The following GADL1 variants were observed in gnomAD, a reference collection of about 807,000 sequenced individuals.
GADL1 encodes the protein GAD like acidic amino acid decarboxylase 1, also known as acidic amino acid decarboxylase GADL1.
Under a neutral mutation model 69.5 loss-of-function variants are expected in GADL1, and 71 were observed. That is an observed-to-expected ratio of 1.02 (90% CI 0.84 to 1.25). GADL1 has a LOEUF of 1.25. GADL1 is among the 50% of genes most tolerant of loss of function. The probability of loss-of-function intolerance (pLI) is 0.00; values close to 1 mark genes in which losing one functional copy is unlikely to be tolerated. For synonymous variants in GADL1, 254 were observed against 214.4 expected (o/e 1.18, Z -1.62); for missense variants, 737 against 631.8 (o/e 1.17, Z -1.79).
intron 14 of GADL1, among the ~76,000 whole-genome samples, chr3:30,738,605 A>G (rs1367943680): frequency 1.3e-5 from 2 of 152,194 alleles, no homozygotes; most frequent in African/African-American, 4.8e-5. Context: ...AACATATTCA[A>G]TGAGTATCAC....
At chr3:30,882,317 G>A (rs938200780) in intron 1 of GADL1, among the ~76,000 whole-genome samples, 1 of 151,710 alleles carries the variant, frequency 6.6e-6, no homozygotes, top group African/African-American at 2.4e-5. Flanking sequence ...AACTGAAACT[G>A]TATACTCATT....
chr3:30,754,473 C>T (rs548613395), intron 14 of GADL1, among the ~76,000 whole-genome samples: 14 of 145,698 alleles, frequency 9.6e-5, no homozygotes, highest in South Asian at 2.2e-4. Flanking sequence ...ATGCCAATGA[C>T]GGACTCTCGA....
intron 12 of GADL1, among the ~76,000 whole-genome samples, chr3:30,791,596 CAG>C (rs946346097): frequency 2.6e-5 from 4 of 152,152 alleles, no homozygotes; most frequent in African/African-American, 4.8e-5. Context: ...CATCCTAAAA[CAG>C]AGCTGAATTA....
chr3:30,881,085 T>TA (rs1335620285), intron 1 of GADL1, among the ~76,000 whole-genome samples: 1 of 151,922 alleles, frequency 6.6e-6, no homozygotes, highest in Non-Finnish European at 1.5e-5. Flanking sequence ...TAGAAAGCTG[T>TA]AATATTCCTT....
chr3:30,778,623 T>TTA (rs1407177134), intron 13 of GADL1: 1 of 171,250 alleles, frequency 5.8e-6, no homozygotes, highest in African/African-American at 2.4e-5. Flanking sequence ...GATCCTTAAG[T>TTA]TATTTGCTAT....
rs370853203 is a variant in GADL1 at position 30,778,226 on chromosome 3, G to C, written c.1345C>G (p.Leu449Val). 95 of 1,612,524 alleles carry C rather than the reference G, an allele frequency of 5.9e-5. No individual in the cohort carries two copies. The highest frequency in any genetic ancestry group is 7.8e-5 in the Non-Finnish European group (92 of 1,178,878). ...TCGGGTCCTTCTTCCATCTCTCTGA[G>C]GCTCGGTGGAATGTACCAAAAGCAA... The part of the protein sequence containing the change: ...NICFWYIPPS[L>V]REMEEGPEFW... The change falls in exon 14 of 15, where the codon CTC becomes GTC. Residue 449 changes from leucine (L) to valine (V), a missense_variant. Physicochemically the swap from Leu to Val is conservative, Grantham distance 32. Transcript: ENST00000282538.
intron 9 of GADL1, 22 bp downstream of exon 9, chr3:30,838,975 A>G: frequency 7.1e-7 from 1 of 1,409,322 alleles, no homozygotes; most frequent in Non-Finnish European, 9.9e-7. Flanking sequence ...TTAAACAGGT[A>G]TGTACACATA....
At position 30,727,919 on chromosome 3, in the gene GADL1, A is replaced by G. The variant is rs1404837082; in HGVS notation, c.*323T>C. Reference sequence around the variant, plus strand: ...AACCACTGCTTTAAACCGTTAGTTTATAAGTTCTTTAAAGAGCAATGTAAG... The same window carrying G: ...AACCACTGCTTTAAACCGTTAGTTTGTAAGTTCTTTAAAGAGCAATGTAAG... On this transcript the variant is annotated 3_prime_UTR_variant, in exon 15 of 15. Coordinates refer to ENST00000282538, the MANE Select transcript of GADL1 (RefSeq NM_207359.3). 5.5e-6 allele frequency: 1 copy of G among 180,360 alleles called. No individual in the cohort carries two copies. The highest frequency in any genetic ancestry group is 1.2e-5 in the Non-Finnish European group (1 of 86,024). 11.2% of individuals were successfully genotyped at this position (180,360 alleles called of 1,614,324 possible).
At chr3:30,787,454 C>T (rs1460192273) in intron 12 of GADL1, among the ~76,000 whole-genome samples, 2 of 152,170 alleles carry the variant, frequency 1.3e-5, no homozygotes, top group Non-Finnish European at 2.9e-5. Flanking sequence ...GCCTTGAAAA[C>T]TAGTGATTCA....
At chr3:30,835,464 T>C (rs894194583) in intron 9 of GADL1, among the ~76,000 whole-genome samples, 2 of 151,996 alleles carry the variant, frequency 1.3e-5, no homozygotes, top group African/African-American at 4.8e-5. Context: ...CTCAGAGTAT[T>C]ACAAAATTTG....
intron 9 of GADL1, among the ~76,000 whole-genome samples, chr3:30,835,584 A>G (rs1285356216): frequency 7.9e-5 from 12 of 152,082 alleles, no homozygotes. Flanking sequence ...GAAGTGAATG[A>G]GTCAGGGTGC....
At chr3:30,845,865 A>G (rs1282949399) in intron 6 of GADL1, among the ~76,000 whole-genome samples, 1 of 152,172 alleles carries the variant, frequency 6.6e-6, no homozygotes, top group Admixed American at 6.5e-5. Flanking sequence ...ATAATGATAA[A>G]TGCTAGCCTA....
chr3:30,830,823 G>A (rs966632562), intron 11 of GADL1, among the ~76,000 whole-genome samples: 10 of 151,842 alleles, frequency 6.6e-5, no homozygotes, highest in African/African-American at 1.2e-4. Context: ...ACTATGAGCA[G>A]CACTAAAAGG....
chr3:30,730,280 A>G (rs1272399042), intron 14 of GADL1, among the ~76,000 whole-genome samples: 1 of 152,226 alleles, frequency 6.6e-6, no homozygotes, highest in Non-Finnish European at 1.5e-5. Flanking sequence ...CTAGTAAAAA[A>G]ATATGTAAAA....
intron 8 of GADL1, among the ~76,000 whole-genome samples, chr3:30,841,929 G>C (rs1697972046): frequency 6.6e-6 from 1 of 152,108 alleles, no homozygotes; most frequent in Non-Finnish European, 1.5e-5. Flanking sequence ...CCAAATTACA[G>C]AAAATATAAA....
chr3:30,872,922 GTC>G (rs1698512772), intron 1 of GADL1, among the ~76,000 whole-genome samples: 1 of 151,940 alleles, frequency 6.6e-6, no homozygotes, highest in Admixed American at 6.6e-5. Context: ...GACCTTCAGA[GTC>G]TCTCATCTAT....
chr3:30,772,391 C>T (rs909679733), intron 14 of GADL1, among the ~76,000 whole-genome samples: 3 of 152,172 alleles, frequency 2.0e-5, no homozygotes, highest in African/African-American at 7.2e-5. Context: ...AAATATTCTA[C>T]ATCAGAATAC....
intron 11 of GADL1, among the ~76,000 whole-genome samples, chr3:30,822,886 A>T (rs1191347859): frequency 6.6e-6 from 1 of 152,022 alleles, no homozygotes; most frequent in Non-Finnish European, 1.5e-5. Context: ...AGCATGTCTT[A>T]TTCACTGAAT....
In GADL1 at chr3:30,864,383, CACAT is replaced by C. The variant is rs559261150; in HGVS notation, c.38-2622_38-2619del. On this transcript the variant is annotated intron_variant, in intron 1 of 14. Transcript: ENST00000282538. ...CCGTTCCGTGTGTGTGTGTGTCACA[CACAT>C]ACACACACACGATAAAATAAAAAAT... Among the ~76,000 whole-genome samples the C allele has an allele frequency of 2.6e-3, 394 of 151,664 alleles. 4 individuals are homozygous for C. Among genetic ancestry groups the C allele is most frequent in the African/African-American group, 9.0e-3 (374 of 41,354 alleles).
Sources: gnomAD v4.1 joint callset for allele counts (sites outside exome capture counted in the v4.1 genomes callset) on GRCh38, gnomAD v4.1.1 for gene constraint, MANE v1.5 for transcripts, NCBI Gene and HGNC (gene_info 2026-07-23, HGNC 2026-07-21) for gene names.